PCDHGA3: variants seen among roughly 807,000 people sequenced by gnomAD.
PCDHGA3 encodes the protein protocadherin gamma-A3.
A neutral mutation model predicts 58.5 loss-of-function variants in PCDHGA3; 40 were observed. The observed-to-expected ratio is 0.68, with a 90% confidence interval of 0.53 to 0.89. PCDHGA3 has a LOEUF of 0.89. PCDHGA3 is among the 40% of genes least tolerant of loss of function. The probability of loss-of-function intolerance (pLI) is 0.00; values close to 1 mark genes in which losing one functional copy is unlikely to be tolerated. For synonymous variants in PCDHGA3, 530 were observed against 525.7 expected (o/e 1.01, Z -0.11); for missense variants, 1,223 against 1,195.9 (o/e 1.02, Z -0.33).
chr5:141,489,247 C>T lies in PCDHGA3; in HGVS notation c.2425-5560C>T. 6.5e-7 allele frequency: 1 copy of T among 1,546,012 alleles called. No individual in the cohort carries two copies. The highest frequency in any genetic ancestry group is 8.7e-7 in the Non-Finnish European group (1 of 1,146,298). ...ACAAAGGGACTTCTGGGTCATGGGGCCCAAGACACTCCCACAGCTCGCTGG... is the reference window on the plus strand; with the variant it reads ...ACAAAGGGACTTCTGGGTCATGGGGTCCAAGACACTCCCACAGCTCGCTGG... On this transcript the variant is annotated intron_variant, in intron 1 of 3. Coordinates refer to ENST00000253812, the MANE Select transcript of PCDHGA3 (RefSeq NM_018916.4). This position sits in a 1 kb window ranked among gnomAD's most constrained non-coding sequence, Gnocchi z 4.5.
intron 1 of PCDHGA3, among the ~76,000 whole-genome samples, chr5:141,461,253 C>A (rs1358900194): frequency 6.6e-6 from 1 of 152,108 alleles, no homozygotes; most frequent in Non-Finnish European, 1.5e-5. Flanking sequence ...ATATTCCCAG[C>A]AGCAATGTGT....
At chr5:141,410,319 C>A in intron 1 of PCDHGA3, 2 of 1,614,018 alleles carry the variant, frequency 1.2e-6, no homozygotes, top group Admixed American at 1.7e-5. Flanking sequence ...TTCCTCCTCG[C>A]CGTGATTCTG....
chr5:141,431,774 G>T lies in PCDHGA3; in HGVS notation c.2425-63033G>T. Reference sequence around the variant, plus strand: ...AGCCAAAGTCCTGATCACTGTTCTGGACGTGAACGACAATGCCCCAGAAGT... The same window carrying T: ...AGCCAAAGTCCTGATCACTGTTCTGTACGTGAACGACAATGCCCCAGAAGT... On this transcript the variant is annotated intron_variant, in intron 1 of 3. Transcript: ENST00000253812. This position sits in a 1 kb window ranked among gnomAD's most constrained non-coding sequence, Gnocchi z 4.8. 5 of 1,614,204 alleles carry T rather than the reference G, an allele frequency of 3.1e-6. No individual in the cohort carries two copies. The highest frequency in any genetic ancestry group is 4.2e-6 in the Non-Finnish European group (5 of 1,180,038).
intron 1 of PCDHGA3, chr5:141,365,375 C>A (rs752434944): frequency 9.3e-6 from 15 of 1,613,942 alleles, no homozygotes; most frequent in Non-Finnish European, 1.3e-5. Flanking sequence ...CGAAGTGATC[C>A]TCACCTCTCT....
At chr5:141,478,442 C>T in intron 1 of PCDHGA3, 1 of 1,613,608 alleles carries the variant, frequency 6.2e-7, no homozygotes, top group Non-Finnish European at 8.5e-7. Flanking sequence ...GCTGAAGAAA[C>T]CTGGTGCAGC....
intron 1 of PCDHGA3, chr5:141,385,344 A>G (rs1444885751): frequency 6.4e-7 from 1 of 1,567,338 alleles, no homozygotes. Context: ...CCCTTCCTTT[A>G]TTTCCATGAG....
At position 141,476,580 on chromosome 5, in the gene PCDHGA3, C is replaced by T. The variant is rs1463314107; in HGVS notation, c.2425-18227C>T. 6 of 1,614,126 alleles carry T rather than the reference C, an allele frequency of 3.7e-6. No homozygotes were observed. Among genetic ancestry groups the T allele is most frequent in the Non-Finnish European group, 5.1e-6 (6 of 1,180,052 alleles). The stretch of plus-strand genomic sequence containing the variant: ...GCCGTGGCTCCGGGGACGCGCTTTC[C>T]GCTCGAGAGCGCGCACGATCCCGAT... On this transcript the variant is annotated intron_variant, in intron 1 of 3. Transcript: ENST00000253812. This position sits in a 1 kb window ranked among gnomAD's most constrained non-coding sequence, Gnocchi z 7.6.
rs758320936 is a variant in PCDHGA3 at position 141,357,250 on chromosome 5, C to T, written c.2424+10793C>T. 7 of 1,613,742 alleles carry T rather than the reference C, an allele frequency of 4.3e-6. No individual in the cohort carries two copies. In the South Asian group the frequency reaches 6.6e-5, roughly 15 times the overall value. ...GGGCAGCCTCAAGCCTTCAGCAGAC[C>T]CAGACGACTCGGGCCTCACACTCTA... On this transcript the variant is annotated intron_variant, in intron 1 of 3. Coordinates refer to ENST00000253812, the MANE Select transcript of PCDHGA3 (RefSeq NM_018916.4).
intron 1 of PCDHGA3, chr5:141,370,499 C>T (rs552448276): frequency 2.5e-6 from 4 of 1,613,946 alleles, no homozygotes; most frequent in Non-Finnish European, 3.4e-6. Flanking sequence ...CGATCCGCTA[C>T]GCTATTCCCG....
At chr5:141,384,411 T>C (rs751134591) in intron 1 of PCDHGA3, 7 of 1,613,860 alleles carry the variant, frequency 4.3e-6, no homozygotes, top group South Asian at 1.1e-5. Flanking sequence ...TGTCCTCCTA[T>C]GTCTCCATAA....
rs748115530 is a variant in PCDHGA3 at position 141,489,429 on chromosome 5, G to C, written c.2425-5378G>C. 5 of 1,614,022 alleles carry C rather than the reference G, an allele frequency of 3.1e-6. No individual in the cohort carries two copies. The East Asian group carries it at 8.9e-5, about 29-fold the overall frequency. ...AGATGACAGATCTGTTGAGCCGGCG[G>C]CTGCAATTGGGCTCTGAGGAGAATG... On this transcript the variant is annotated intron_variant, in intron 1 of 3. Transcript: ENST00000253812. The surrounding 1 kb of genome is among the most constrained non-coding windows in gnomAD (Gnocchi z 4.5).
Position 141,344,537 on chromosome 5 carries a change from G to A in PCDHGA3, c.504G>A (p.Gln168=), listed in dbSNP as rs541708847. ...CAGATGTAGGCATTAACTCCCTGCA[G>A]AACTACAAGCTTAGCCCCAATGACT... The part of the protein sequence containing the change: ...FDPDVGINSL[Q]NYKLSPNDYF... The change falls in exon 1 of 4, where the codon CAG becomes CAA. Residue 168 remains glutamine (Q), a synonymous_variant. Coordinates refer to ENST00000253812, the MANE Select transcript of PCDHGA3 (RefSeq NM_018916.4). The A allele has an allele frequency of 6.2e-7, 1 of 1,614,024 alleles. No homozygotes were observed. The highest frequency in any genetic ancestry group is 1.3e-5 in the African/African-American group (1 of 75,060).
At chr5:141,388,251 A>G in intron 1 of PCDHGA3, 1 of 1,610,692 alleles carries the variant, frequency 6.2e-7, no homozygotes, top group Non-Finnish European at 8.5e-7. Flanking sequence ...GAATGTGGAG[A>G]TCGAGGACAT....
chr5:141,403,571 G>T (rs778030830), intron 1 of PCDHGA3: 2 of 1,613,904 alleles, frequency 1.2e-6, no homozygotes, highest in South Asian at 1.1e-5. Flanking sequence ...GGAGGCAACT[G>T]CCCACCACCT....
chr5:141,394,868 C>A, intron 1 of PCDHGA3: 1 of 1,613,828 alleles, frequency 6.2e-7, no homozygotes, highest in Non-Finnish European at 8.5e-7. Flanking sequence ...TCGACCCGAA[C>A]GATTCGAGCC....
intron 1 of PCDHGA3, chr5:141,375,643 C>A (rs1443985601): frequency 6.2e-7 from 1 of 1,614,210 alleles, no homozygotes; most frequent in Non-Finnish European, 8.5e-7. Context: ...TGCGCTCCTT[C>A]GACTATGAGC....
chr5:141,445,825 G>A (rs1031190864), intron 1 of PCDHGA3, among the ~76,000 whole-genome samples: 8 of 152,124 alleles, frequency 5.3e-5, no homozygotes, highest in Non-Finnish European at 1.2e-4. Context: ...AATAAGGCAG[G>A]GAGAGCCTTG....
intron 1 of PCDHGA3, chr5:141,421,286 T>G: frequency 6.2e-7 from 1 of 1,613,284 alleles, no homozygotes; most frequent in Non-Finnish European, 8.5e-7. Flanking sequence ...CTGTGCATTT[T>G]CCTGGGGACG....
At position 141,401,132 on chromosome 5, in the gene PCDHGA3, A is replaced by G. The variant is rs534048041; in HGVS notation, c.2424+54675A>G. Among the ~76,000 whole-genome samples, 4 of 152,344 alleles carry G rather than the reference A, an allele frequency of 2.6e-5. No homozygotes were observed. In the South Asian group the frequency reaches 8.3e-4, roughly 32 times the overall value. ...GCCGAGGCGGTTGGATCACATGGTCAGGAGTTCAAGACCAGCCTGGGCAAT... is the reference window on the plus strand; with the variant it reads ...GCCGAGGCGGTTGGATCACATGGTCGGGAGTTCAAGACCAGCCTGGGCAAT... On this transcript the variant is annotated intron_variant, in intron 1 of 3. Coordinates refer to ENST00000253812, the MANE Select transcript of PCDHGA3 (RefSeq NM_018916.4).
Sources: gnomAD v4.1 joint callset for allele counts (sites outside exome capture counted in the v4.1 genomes callset) on GRCh38, gnomAD v4.1.1 for gene constraint, Gnocchi (gnomAD v3.1) non-coding constraint, MANE v1.5 for transcripts, NCBI Gene and HGNC (gene_info 2026-07-23, HGNC 2026-07-21) for gene names.